The following ZNF727 variants were observed in gnomAD, a reference collection of about 807,000 sequenced individuals.
The protein encoded by ZNF727 is zinc finger protein 727, also known as putative zinc finger protein 727.
Under a neutral mutation model 11.5 loss-of-function variants are expected in ZNF727, and 11 were observed. The observed-to-expected ratio is 0.95, with a 90% confidence interval of 0.60 to 1.58. The LOEUF is 1.58. Ranked by LOEUF, ZNF727 falls within the 40% of genes most tolerant of loss-of-function variation. ZNF727 has a pLI of 0.00. For synonymous variants in ZNF727, 171 were observed against 196.1 expected, an observed-to-expected ratio of 0.87 and a Z score of 1.07; for missense variants, 533 against 581.7, an observed-to-expected ratio of 0.92 and a Z score of 0.86.
intron 1 of ZNF727, among the ~76,000 whole-genome samples, chr7:64,066,230 A>C (rs984530824): frequency 2.0e-5 from 3 of 152,328 alleles, no homozygotes; most frequent in African/African-American, 7.2e-5. Flanking sequence ...CATACTGTCC[A>C]AAGTAATTTA....
At chr7:64,048,861 A>G (rs1789548913) in intron 1 of ZNF727, among the ~76,000 whole-genome samples, 1 of 152,212 alleles carries the variant, frequency 6.6e-6, no homozygotes, top group South Asian at 2.1e-4. Flanking sequence ...CCAGGCAGAT[A>G]ATTAGCAGAT....
chr7:64,081,209 G>A lies in ZNF727; in HGVS notation c.*2660G>A. Among the ~76,000 whole-genome samples, 1 of 152,084 alleles carries A rather than the reference G, an allele frequency of 6.6e-6. No individual in the cohort carries two copies. Among genetic ancestry groups the A allele is most frequent in the Non-Finnish European group, 1.5e-5 (1 of 68,026 alleles). On this transcript the variant is annotated 3_prime_UTR_variant, in exon 4 of 4. Coordinates refer to ENST00000456806, the MANE Select transcript of ZNF727 (RefSeq NM_001159522.3). The stretch of plus-strand genomic sequence containing the variant: ...GGAGACTGTGTGCTATTTCACTAAA[G>A]GTGGTGTTGGCTTGGGGCAGGATAC...
rs1255012497 is a variant in ZNF727, at chr7:64,084,611, A to G, written c.*6062A>G. Among the ~76,000 whole-genome samples the G allele has an allele frequency of 6.6e-6, 1 of 152,182 alleles. No homozygotes were observed. Among genetic ancestry groups the G allele is most frequent in the Non-Finnish European group, 1.5e-5 (1 of 68,006 alleles). On this transcript the variant is annotated 3_prime_UTR_variant, in exon 4 of 4. Transcript: ENST00000456806. ...AACTACAGGTTATTATGATGTTTGT[A>G]ATGAAGATGAGTATAATGGAGCTAT...
In ZNF727 at chr7:64,082,481, A is replaced by G. The variant is rs1421761997; in HGVS notation, c.*3932A>G. Among the ~76,000 whole-genome samples the G allele has an allele frequency of 6.6e-6, 1 of 152,352 alleles. No homozygotes were observed. Among genetic ancestry groups the G allele is most frequent in the Middle Eastern group, 3.4e-3 (1 of 294 alleles). ...TCTAAGAGCTCCATCTAAGGGAGGTATAGACCGGTTTCCAGCCCCAAAGCA... is the reference window on the plus strand; with the variant it reads ...TCTAAGAGCTCCATCTAAGGGAGGTGTAGACCGGTTTCCAGCCCCAAAGCA... On this transcript the variant is annotated 3_prime_UTR_variant, in exon 4 of 4. Transcript: ENST00000456806.
intron 1 of ZNF727, among the ~76,000 whole-genome samples, chr7:64,050,071 CTATATA>C (rs918988300): frequency 6.6e-6 from 1 of 151,150 alleles, no homozygotes; most frequent in African/African-American, 2.4e-5. Context: ...ATATATTTTT[CTATATA>C]TATATATTTC....
chr7:64,076,033 T>TC (rs11429564), intron 3 of ZNF727, among the ~76,000 whole-genome samples: 98,557 of 151,848 alleles, frequency 0.65, 32,379 homozygotes, highest in Admixed American at 0.72. Flanking sequence ...AAATTTTGTT[T>TC]ACTATTTTAT....
intron 3 of ZNF727, among the ~76,000 whole-genome samples, chr7:64,071,168 A>C (rs184606617): frequency 6.6e-6 from 1 of 152,174 alleles, no homozygotes; most frequent in Non-Finnish European, 1.5e-5. Flanking sequence ...ACTATTAAAA[A>C]TTTTTTTAAA....
chr7:64,056,000 G>T lies in ZNF727; in HGVS notation c.3+10376G>T, dbSNP rs549704069. 1.9e-4 allele frequency among the ~76,000 whole-genome samples: 29 copies of T among 152,054 alleles called. No individual in the cohort carries two copies. The South Asian group carries it at 6.0e-3, about 32-fold the overall frequency. Reference sequence around the variant, plus strand: ...CTGCACCATTTTACATTTGCACCAGGAGTTAAAAAACATTCTAATTTCTCC... The same window carrying T: ...CTGCACCATTTTACATTTGCACCAGTAGTTAAAAAACATTCTAATTTCTCC... On this transcript the variant is annotated intron_variant, in intron 1 of 3. Coordinates refer to ENST00000456806, the MANE Select transcript of ZNF727 (RefSeq NM_001159522.3).
intron 1 of ZNF727, among the ~76,000 whole-genome samples, chr7:64,054,473 G>A (rs1007434917): frequency 6.6e-6 from 1 of 152,156 alleles, no homozygotes; most frequent in Non-Finnish European, 1.5e-5. Context: ...ATGGTGGCAT[G>A]AGACTATTCA....
chr7:64,058,669 A>G lies in ZNF727; in HGVS notation c.4-10222A>G, dbSNP rs566879841. Among the ~76,000 whole-genome samples, 16 of 152,318 alleles carry G rather than the reference A, an allele frequency of 1.1e-4. No homozygotes were observed. The South Asian group carries it at 3.1e-3, about 30-fold the overall frequency. Reference sequence around the variant, plus strand: ...TAACTCTGGATTTTCCCCTGCCCATAGGTCCTGTAAAACTAAATAATTCAA... The same window carrying G: ...TAACTCTGGATTTTCCCCTGCCCATGGGTCCTGTAAAACTAAATAATTCAA... On this transcript the variant is annotated intron_variant, in intron 1 of 3. Coordinates refer to ENST00000456806, the MANE Select transcript of ZNF727 (RefSeq NM_001159522.3).
Position 64,051,885 on chromosome 7 carries a change from A to G in ZNF727, c.3+6261A>G, listed in dbSNP as rs573305523. ...CTGCCTTTTCCAATTGTGCATGGAA[A>G]TATATTGATTTAGAACTGTCAAAAG... On this transcript the variant is annotated intron_variant, in intron 1 of 3. Transcript: ENST00000456806. 1.5e-4 allele frequency among the ~76,000 whole-genome samples: 23 copies of G among 152,326 alleles called. No homozygotes were observed. The South Asian group carries it at 4.8e-3, about 32-fold the overall frequency.
chr7:64,070,370 AT>A (rs1789941439), intron 3 of ZNF727, among the ~76,000 whole-genome samples: 1 of 152,118 alleles, frequency 6.6e-6, no homozygotes, highest in African/African-American at 2.4e-5. Flanking sequence ...CCCAATCTTT[AT>A]TTTAAATGAC....
chr7:64,049,923 A>C (rs1789564813), intron 1 of ZNF727, among the ~76,000 whole-genome samples: 1 of 151,514 alleles, frequency 6.6e-6, no homozygotes, highest in South Asian at 2.1e-4. Context: ...CATCTGTTTT[A>C]TTTATTTATT....
In ZNF727 at chr7:64,079,199, G is replaced by A. The variant is rs1181538979; in HGVS notation, c.*650G>A. Among the ~76,000 whole-genome samples the A allele has an allele frequency of 2.0e-5, 3 of 152,174 alleles. No homozygotes were observed. The highest frequency in any genetic ancestry group is 6.5e-5 in the Admixed American group (1 of 15,284). On this transcript the variant is annotated 3_prime_UTR_variant, in exon 4 of 4. Transcript: ENST00000456806. ...CAAAGTATTGAGCTCGTTCTCACAC[G>A]TCATTAGACATAAGACAATTCATAG...
intron 1 of ZNF727, among the ~76,000 whole-genome samples, chr7:64,048,323 G>C (rs1487548218): frequency 6.6e-6 from 1 of 152,122 alleles, no homozygotes; most frequent in East Asian, 1.9e-4. Flanking sequence ...TCTGAGGTCT[G>C]TTCTGTTTTA....
chr7:64,058,950 C>CTTTTTTCTTTTTTTTTT (rs1789728004), intron 1 of ZNF727, among the ~76,000 whole-genome samples: 1 of 145,386 alleles, frequency 6.9e-6, no homozygotes, highest in African/African-American at 2.5e-5. Flanking sequence ...ATTGCATTGT[C>CTTTTTTCTTTTTTTTTT]TTTTTTTTTT....
Position 64,069,569 on chromosome 7 carries a change from T to C in ZNF727, c.186T>C (p.Pro62=), listed in dbSNP as rs2116314109. 1 of 1,565,320 alleles carries C rather than the reference T, an allele frequency of 6.4e-7. No individual in the cohort carries two copies. Among genetic ancestry groups the C allele is most frequent in the Non-Finnish European group, 8.7e-7 (1 of 1,154,108 alleles). Residue 62 remains proline (P), a synonymous_variant, in exon 3 of 4, where the codon CCT becomes CCC. Coordinates refer to ENST00000456806, the MANE Select transcript of ZNF727 (RefSeq NM_001159522.3). ...LITYLEQRKE[P]WNARRQKTVA... is the part of the protein sequence containing the mutation. ...CCTATCTGGAGCAAAGAAAAGAGCC[T>C]TGGAATGCGAGGAGACAGAAGACAG...
chr7:64,062,039 ATT>A (rs1789779784), intron 1 of ZNF727, among the ~76,000 whole-genome samples: 1 of 21,274 alleles, frequency 4.7e-5, no homozygotes, highest in Admixed American at 5.1e-4. Flanking sequence ...TGTCGTTTCT[ATT>A]TATATCTTAT....
chr7:64,054,714 T>G (rs1789655847), intron 1 of ZNF727, among the ~76,000 whole-genome samples: 1 of 152,242 alleles, frequency 6.6e-6, no homozygotes, highest in Non-Finnish European at 1.5e-5. Context: ...CACTGAATAT[T>G]GTGGAATTTT....
Sources: allele counts gnomAD v4.1 joint callset (sites outside exome capture counted in the v4.1 genomes callset), GRCh38; gene constraint gnomAD v4.1.1; transcripts MANE v1.5; gene names NCBI Gene and HGNC (gene_info 2026-07-23, HGNC 2026-07-21).